Variants in NR2F1-AS1 observed in about 807,000 individuals in gnomAD.
NR2F1-AS1 encodes the protein NR2F1 regulatory antisense RNA 1, also known as NR2F1 antisense RNA 1.
At chr5:93,441,431 T>C (rs1235037000) in intron 4 of NR2F1-AS1, among the ~76,000 whole-genome samples, 3 of 152,164 alleles carry the variant, frequency 2.0e-5, no homozygotes, top group African/African-American at 7.2e-5. Context: ...TGATGTACCA[T>C]GGCAGGTTTC....
intron 4 of NR2F1-AS1, among the ~76,000 whole-genome samples, chr5:93,486,668 C>G (rs189436120): frequency 6.6e-6 from 1 of 152,272 alleles, no homozygotes; most frequent in East Asian, 1.9e-4. Context: ...ACCAGAGGTA[C>G]AAAGAGGGAC....
intron 1 of NR2F1-AS1, among the ~76,000 whole-genome samples, chr5:93,575,242 A>G (rs1488371302): frequency 2.6e-5 from 4 of 152,278 alleles, no homozygotes; most frequent in African/African-American, 9.6e-5. Context: ...GGTAAAGCCC[A>G]GTGCTTTCAG....
chr5:93,492,238 C>T (rs781399399), intron 4 of NR2F1-AS1, among the ~76,000 whole-genome samples: 3 of 152,076 alleles, frequency 2.0e-5, no homozygotes, highest in African/African-American at 4.8e-5. Context: ...ATTATCAAAA[C>T]TGATTTAAGA....
At chr5:93,464,662 C>T (rs1006013927) in intron 4 of NR2F1-AS1, among the ~76,000 whole-genome samples, 3 of 152,194 alleles carry the variant, frequency 2.0e-5, no homozygotes, top group Non-Finnish European at 1.5e-5. Flanking sequence ...CTTGAAGTAG[C>T]TATGGCCCAA....
chr5:93,472,951 T>G (rs917634108), intron 4 of NR2F1-AS1, among the ~76,000 whole-genome samples: 1 of 151,970 alleles, frequency 6.6e-6, no homozygotes, highest in Non-Finnish European at 1.5e-5. Context: ...TTGTTTTGAT[T>G]TAAACATGAC....
intron 4 of NR2F1-AS1, among the ~76,000 whole-genome samples, chr5:93,475,569 T>C (rs1373116884): frequency 2.0e-5 from 3 of 152,226 alleles, no homozygotes; most frequent in Non-Finnish European, 4.4e-5. Context: ...AATGTACCTA[T>C]AGTAGGATGA....
intron 1 of NR2F1-AS1, among the ~76,000 whole-genome samples, chr5:93,574,715 T>C (rs1752857225): frequency 6.6e-6 from 1 of 152,236 alleles, no homozygotes; most frequent in Non-Finnish European, 1.5e-5. Flanking sequence ...ATATTTTTTT[T>C]CTTCCTTTCT....
chr5:93,457,918 A>T (rs770162883), intron 4 of NR2F1-AS1, among the ~76,000 whole-genome samples: 7 of 152,088 alleles, frequency 4.6e-5, no homozygotes, highest in Non-Finnish European at 8.8e-5. Flanking sequence ...TTTTCTTTGC[A>T]TCTCTGATGG....
At chr5:93,553,739 T>G (rs1486914042) in intron 4 of NR2F1-AS1, 2 of 152,208 alleles carry the variant, frequency 1.3e-5, no homozygotes, top group Admixed American at 1.3e-4. Flanking sequence ...ATCCTTCATG[T>G]ATTAAGATGA....
At chr5:93,501,429 C>T (rs1362127577) in intron 4 of NR2F1-AS1, among the ~76,000 whole-genome samples, 5 of 149,922 alleles carry the variant, frequency 3.3e-5, no homozygotes, top group African/African-American at 1.2e-4. Context: ...TCTGGGCTCA[C>T]AGCAACCTCC....
intron 4 of NR2F1-AS1, among the ~76,000 whole-genome samples, chr5:93,496,743 A>C (rs1244613269): frequency 6.6e-6 from 1 of 152,124 alleles, no homozygotes; most frequent in African/African-American, 2.4e-5. Context: ...GCTCTTGTTA[A>C]TTGATATTCA....
At chr5:93,585,353 C>T, upstream of NR2F1-AS1, 1 of 1,613,984 alleles carries the variant, frequency 6.2e-7, no homozygotes, top group South Asian at 1.1e-5. Context: ...AAAGTTTCTT[C>T]AAGAGGAGCG....
At chr5:93,507,875 T>C (rs530301075) in intron 4 of NR2F1-AS1, among the ~76,000 whole-genome samples, 256 of 152,166 alleles carry the variant, frequency 1.7e-3, no homozygotes, top group Non-Finnish European at 2.3e-3. Context: ...CTCATTCCAA[T>C]AGAAACAAAA....
chr5:93,568,071 T>A (rs1243927433), intron 1 of NR2F1-AS1, among the ~76,000 whole-genome samples: 1 of 152,218 alleles, frequency 6.6e-6, no homozygotes, highest in African/African-American at 2.4e-5. Context: ...TCTTCACACA[T>A]AAAATGTAAC....
intron 4 of NR2F1-AS1, among the ~76,000 whole-genome samples, chr5:93,535,512 G>A (rs1043309145): frequency 2.6e-5 from 4 of 151,822 alleles, no homozygotes; most frequent in Non-Finnish European, 5.9e-5. Flanking sequence ...GAATAAGTCT[G>A]TAAGAAGCAA....
chr5:93,454,423 T>C (rs1749902772), intron 4 of NR2F1-AS1, among the ~76,000 whole-genome samples: 1 of 152,240 alleles, frequency 6.6e-6, no homozygotes, highest in African/African-American at 2.4e-5. Context: ...GAAATATATT[T>C]AGTCTCTGCC....
chr5:93,433,852 T>TA (rs2149848023), intron 4 of NR2F1-AS1, among the ~76,000 whole-genome samples: 1 of 152,322 alleles, frequency 6.6e-6, no homozygotes, highest in African/African-American at 2.4e-5. Context: ...CACTCCTTCC[T>TA]ATGCCTCATT....
chr5:93,421,535 C>T (rs1171396343), intron 4 of NR2F1-AS1, among the ~76,000 whole-genome samples: 2 of 152,174 alleles, frequency 1.3e-5, no homozygotes, highest in Admixed American at 6.5e-5. Flanking sequence ...CCAGGCTTTG[C>T]AAAATGTGTG....
chr5:93,519,819 CA>C (rs1404526969), intron 4 of NR2F1-AS1, among the ~76,000 whole-genome samples: 1 of 151,928 alleles, frequency 6.6e-6, no homozygotes, highest in Non-Finnish European at 1.5e-5. Context: ...ACTTAAAATA[CA>C]ATATACTGTG....
Sources: gnomAD v4.1 joint callset for allele counts (sites outside exome capture counted in the v4.1 genomes callset) on GRCh38, gnomAD v4.1.1 for gene constraint, MANE v1.5 for transcripts, NCBI Gene and HGNC (gene_info 2026-07-23, HGNC 2026-07-21) for gene names.